The following IFNAR2 variants were observed in gnomAD, a reference collection of about 807,000 sequenced individuals.
The protein encoded by IFNAR2 is interferon alpha and beta receptor subunit 2.
Under a neutral mutation model 49.4 loss-of-function variants are expected in IFNAR2, and 30 were observed. The ratio of observed to expected loss-of-function variants is 0.61; its 90% CI spans 0.45 to 0.82. The LOEUF (loss-of-function observed/expected upper bound fraction) is 0.82. Ranked by LOEUF, IFNAR2 falls within the 40% of genes least tolerant of loss-of-function variation. The pLI, the probability that IFNAR2 is intolerant of heterozygous loss-of-function variation, is 0.00. For synonymous variants in IFNAR2, 224 were observed against 234.5 expected, an observed-to-expected ratio of 0.96 and a Z score of 0.41; for missense variants, 600 against 622.7, an observed-to-expected ratio of 0.96 and a Z score of 0.39.
intron 1 of IFNAR2, 39 bp from the exon 2 acceptor site, chr21:33,241,801 C>G (rs903068307): frequency 1.4e-6 from 2 of 1,473,160 alleles, no homozygotes; most frequent in Non-Finnish European, 9.1e-7. Flanking sequence ...TTACAGGTCT[C>G]TCATTATCTT....
At chr21:33,246,697 T>C in intron 4 of IFNAR2, 21 bp from the exon 5 acceptor site, 4 of 1,599,416 alleles carry the variant, frequency 2.5e-6, no homozygotes, top group Non-Finnish European at 3.4e-6. Flanking sequence ...ATTTCCTTTT[T>C]CCATTTTTTT....
chr21:33,260,583 T>C lies in IFNAR2; in HGVS notation c.710-14T>C. ...CATTTTTTGAAATAAAGTCATTTAA[T>C]TTTTCATCAACAGAATCAGCAGAAT... is the stretch of plus-strand genomic sequence containing the variant. On this transcript the variant is annotated splice_polypyrimidine_tract_variant and intron_variant, in intron 7 of 8. Coordinates refer to ENST00000342136, the MANE Select transcript of IFNAR2 (RefSeq NM_001289125.3). The C allele has an allele frequency of 6.3e-7, 1 of 1,578,696 alleles. No homozygotes were observed. The highest frequency in any genetic ancestry group is 1.2e-5 in the South Asian group (1 of 84,398).
chr21:33,230,211 G>A lies in IFNAR2; in HGVS notation c.-89G>A. ...TCTCGGGAGCCGCAAGGCGAGAGCTGCAAAGGTAACGCAGCGTGGCGGGGT... is the reference window on the plus strand; with the variant it reads ...TCTCGGGAGCCGCAAGGCGAGAGCTACAAAGGTAACGCAGCGTGGCGGGGT... On this transcript the variant is annotated 5_prime_UTR_variant, in exon 1 of 9. Coordinates refer to ENST00000342136, the MANE Select transcript of IFNAR2 (RefSeq NM_001289125.3). This position sits in a 1 kb window ranked among gnomAD's most constrained non-coding sequence, Gnocchi z 5.5. The A allele has an allele frequency of 3.7e-6, 4 of 1,067,710 alleles. No individual in the cohort carries two copies. The highest frequency in any genetic ancestry group is 3.4e-6 in the Non-Finnish European group (3 of 876,382). 66.1% of individuals were successfully genotyped at this position (1,067,710 alleles called of 1,614,324 possible).
intron 1 of IFNAR2, among the ~76,000 whole-genome samples, chr21:33,241,606 C>T (rs868390402): frequency 6.6e-6 from 1 of 150,652 alleles, no homozygotes; most frequent in Non-Finnish European, 1.5e-5. Context: ...AAAAAGTTTT[C>T]TAAAGGGAGC....
intron 8 of IFNAR2, 31 bp from the exon 9 acceptor site, chr21:33,262,762 G>T: frequency 6.3e-7 from 1 of 1,579,314 alleles, no homozygotes; most frequent in Non-Finnish European, 8.6e-7. Flanking sequence ...AGCTGATACG[G>T]ACTCTCTCTC....
intron 3 of IFNAR2, among the ~76,000 whole-genome samples, chr21:33,244,357 A>C (rs1453956386): frequency 2.0e-5 from 3 of 152,204 alleles, no homozygotes; most frequent in Non-Finnish European, 4.4e-5. Flanking sequence ...TCAGTTTCAC[A>C]GTCTGTAAAA....
chr21:33,248,855 G>C lies in IFNAR2; in HGVS notation c.540+1G>C. 1 of 1,592,124 alleles carries C rather than the reference G, an allele frequency of 6.3e-7. No individual in the cohort carries two copies. Among genetic ancestry groups the C allele is most frequent in the Non-Finnish European group, 8.6e-7 (1 of 1,168,974 alleles). On this transcript the variant is annotated splice_donor_variant, in intron 6 of 8. Transcript: ENST00000342136. LOFTEE classifies it high-confidence loss of function. The stretch of plus-strand genomic sequence containing the variant: ...ACAGTCAGAGGGAATTGTTAAGAAG[G>C]TAAGTGGCTTCTCCTGTTAGGATCA...
chr21:33,243,284 G>C (rs892966442), intron 2 of IFNAR2, among the ~76,000 whole-genome samples: 1 of 151,916 alleles, frequency 6.6e-6, no homozygotes, highest in African/African-American at 2.4e-5. Flanking sequence ...GGGTTTTGCC[G>C]TGTTGGCCAG....
At chr21:33,242,195 A>G (rs191952432) in intron 2 of IFNAR2, among the ~76,000 whole-genome samples, 74 of 152,322 alleles carry the variant, frequency 4.9e-4, no homozygotes, top group African/African-American at 1.8e-3. Flanking sequence ...TAGGAAAACA[A>G]ATGAGTGACT....
intron 7 of IFNAR2, among the ~76,000 whole-genome samples, chr21:33,253,925 A>G (rs547565423): frequency 6.6e-6 from 1 of 152,176 alleles, no homozygotes; most frequent in Admixed American, 6.5e-5. Context: ...CCAACCCCCT[A>G]TCTCATCCTG....
intron 6 of IFNAR2, among the ~76,000 whole-genome samples, chr21:33,249,972 C>G (rs1987728826): frequency 1.3e-5 from 2 of 151,926 alleles, no homozygotes; most frequent in Non-Finnish European, 2.9e-5. Context: ...GGGTCTGGGT[C>G]TTCTGAGTGT....
At chr21:33,247,028 T>C (rs1480387152) in intron 5 of IFNAR2, 138 bp downstream of exon 5, 1 of 646,750 alleles carries the variant, frequency 1.5e-6, no homozygotes, top group East Asian at 2.8e-5. Flanking sequence ...ACTTCCTAGC[T>C]CTGTAACCGT....
At chr21:33,242,715 C>CTAT (rs140835879) in intron 2 of IFNAR2, among the ~76,000 whole-genome samples, 1 of 83,582 alleles carries the variant, frequency 1.2e-5, no homozygotes, top group Admixed American at 1.3e-4. Flanking sequence ...CCTGACAGAG[C>CTAT]AAGACTCTGT....
In IFNAR2 at chr21:33,265,595, AT is replaced by A; in HGVS notation, c.*2101del. On this transcript the variant is annotated 3_prime_UTR_variant, in exon 9 of 9. Transcript: ENST00000342136. ...TGTGAGTGTGTGTGTGTGTTTGTGT[AT>A]TTTTTAACATTTTGTATAATGATTG... 1 of 195,820 alleles carries A rather than the reference AT, an allele frequency of 5.1e-6. No individual in the cohort carries two copies. Among genetic ancestry groups the A allele is most frequent in the Non-Finnish European group, 1.1e-5 (1 of 92,100 alleles). The allele number at this position is 195,820 out of a possible 1,614,324, so 12.1% of individuals were successfully genotyped here.
At chr21:33,260,899 GGTTTTTGTTTT>G (rs1601818467) in intron 8 of IFNAR2, among the ~76,000 whole-genome samples, 172 bp downstream of exon 8, 1 of 151,462 alleles carries the variant, frequency 6.6e-6, no homozygotes, top group South Asian at 2.1e-4. Flanking sequence ...TATTTTGCAG[GGTTTTTGTTTT>G]GTTTTTGTTT....
rs368997766 is a variant in IFNAR2, at chr21:33,246,277, A to C, written c.222-441A>C. ...AGTAGAGACGGGGTTTCACCATGTT[A>C]GCCAGGATGGTCTCAATCTCCTGAC... On this transcript the variant is annotated intron_variant, in intron 4 of 8. Transcript: ENST00000342136. 5.5e-4 allele frequency among the ~76,000 whole-genome samples: 83 copies of C among 152,122 alleles called. 1 individual carries two copies. The South Asian group carries it at 0.017, about 30-fold the overall frequency.
At chr21:33,252,086 A>ATCTG (rs887366396) in intron 6 of IFNAR2, 2 of 342,498 alleles carry the variant, frequency 5.8e-6, no homozygotes, top group African/African-American at 5.5e-5. Flanking sequence ...CCATCCATCT[A>ATCTG]TCTATCTATC....
chr21:33,238,478 A>G (rs1362971636), intron 1 of IFNAR2, among the ~76,000 whole-genome samples: 2 of 152,116 alleles, frequency 1.3e-5, no homozygotes, highest in Non-Finnish European at 1.5e-5. Flanking sequence ...AGTCACATGG[A>G]TGGGGACAGA....
intron 5 of IFNAR2, among the ~76,000 whole-genome samples, chr21:33,248,174 G>A (rs1292663354): frequency 4.0e-5 from 6 of 151,880 alleles, no homozygotes; most frequent in African/African-American, 1.2e-4. Flanking sequence ...CTTAACATGT[G>A]CTTACTCTAA....
Sources: gnomAD v4.1 joint callset for allele counts (sites outside exome capture counted in the v4.1 genomes callset) on GRCh38, gnomAD v4.1.1 for gene constraint, Gnocchi (gnomAD v3.1) non-coding constraint, MANE v1.5 for transcripts, NCBI Gene and HGNC (gene_info 2026-07-23, HGNC 2026-07-21) for gene names.